Variants in CSMD1 observed in about 807,000 individuals in gnomAD.
CSMD1 encodes the protein CUB and Sushi multiple domains 1, also known as CUB and sushi domain-containing protein 1.
In CSMD1, 213 loss-of-function variants were observed where a neutral mutation model predicts 417.5. The ratio of observed to expected loss-of-function variants is 0.51; its 90% CI spans 0.46 to 0.57. The LOEUF (loss-of-function observed/expected upper bound fraction) is 0.57. CSMD1 is among the 20% of genes least tolerant of loss of function. The pLI, the probability that CSMD1 is intolerant of heterozygous loss-of-function variation, is 0.00. For synonymous variants in CSMD1, 2,862 were observed against 1,736.8 expected (o/e 1.65, Z -16.11); for missense variants, 6,923 against 4,529.7 (o/e 1.53, Z -15.17).
At chr8:4,132,037 G>A (rs1245169856) in intron 3 of CSMD1, among the ~76,000 whole-genome samples, 1 of 151,996 alleles carries the variant, frequency 6.6e-6, no homozygotes, top group Admixed American at 6.6e-5. Flanking sequence ...ATCCCTTCTT[G>A]ATGGCATAAC....
At chr8:3,227,853 T>C (rs1199917574) in intron 27 of CSMD1, among the ~76,000 whole-genome samples, 2 of 151,980 alleles carry the variant, frequency 1.3e-5, no homozygotes, top group African/African-American at 2.4e-5. Flanking sequence ...CTGCAACTTC[T>C]AGCTCCTGGG....
chr8:3,176,215 C>A (rs259854), intron 37 of CSMD1, among the ~76,000 whole-genome samples: 1 of 151,966 alleles, frequency 6.6e-6, no homozygotes, highest in Non-Finnish European at 1.5e-5. Context: ...AATCAAAATA[C>A]TTTCTATTGT....
chr8:4,871,132 C>T (rs750645405), intron 1 of CSMD1, among the ~76,000 whole-genome samples: 20 of 152,018 alleles, frequency 1.3e-4, no homozygotes, highest in Non-Finnish European at 2.5e-4. Flanking sequence ...TAGGTGCAGC[C>T]GTGATGAGAA....
intron 10 of CSMD1, among the ~76,000 whole-genome samples, chr8:3,518,980 A>C (rs1797393337): frequency 1.3e-5 from 2 of 152,306 alleles, no homozygotes; most frequent in Admixed American, 6.5e-5. Flanking sequence ...GCACTTTTAA[A>C]CTGAAATATA....
At chr8:3,836,641 C>T (rs760886436) in intron 5 of CSMD1, among the ~76,000 whole-genome samples, 1 of 152,068 alleles carries the variant, frequency 6.6e-6, no homozygotes, top group Non-Finnish European at 1.5e-5. Flanking sequence ...TCAAATTACA[C>T]ATTCACAACA....
At chr8:4,867,151 A>T (rs1802465452) in intron 1 of CSMD1, among the ~76,000 whole-genome samples, 2 of 152,046 alleles carry the variant, frequency 1.3e-5, no homozygotes, top group African/African-American at 4.8e-5. Context: ...TTATATTTAC[A>T]ATTTATTTAA....
intron 20 of CSMD1, among the ~76,000 whole-genome samples, chr8:3,361,206 C>T (rs1428394220): frequency 1.3e-5 from 2 of 152,092 alleles, no homozygotes; most frequent in Admixed American, 6.5e-5. Flanking sequence ...CTTTTTAGAA[C>T]ATATTAAAAT....
chr8:4,051,717 C>A (rs1798432620), intron 3 of CSMD1, among the ~76,000 whole-genome samples: 1 of 152,106 alleles, frequency 6.6e-6, no homozygotes, highest in African/African-American at 2.4e-5. Flanking sequence ...ACAGAGAAGG[C>A]AAGCAGGGAT....
At chr8:3,867,587 A>T (rs548616098) in intron 5 of CSMD1, among the ~76,000 whole-genome samples, 29 of 152,272 alleles carry the variant, frequency 1.9e-4, no homozygotes, top group African/African-American at 6.7e-4. Flanking sequence ...TGGATATCTG[A>T]AACCTAAACA....
At chr8:3,829,054 C>G (rs892263786) in intron 5 of CSMD1, among the ~76,000 whole-genome samples, 6 of 151,812 alleles carry the variant, frequency 4.0e-5, no homozygotes, top group Non-Finnish European at 8.8e-5. Flanking sequence ...CCGTAAGTTA[C>G]TGGGGTATAG....
At chr8:3,115,205 CCT>C (rs1491198056) in intron 42 of CSMD1, among the ~76,000 whole-genome samples, 9 of 104,686 alleles carry the variant, frequency 8.6e-5, no homozygotes, top group Non-Finnish European at 1.1e-4. Flanking sequence ...CCCCCCCCCC[CCT>C]TTTTTTTTTT....
chr8:4,451,373 G>A (rs1413352383), intron 2 of CSMD1, among the ~76,000 whole-genome samples: 1 of 152,140 alleles, frequency 6.6e-6, no homozygotes, highest in Non-Finnish European at 1.5e-5. Context: ...AATCACAAGT[G>A]TTTATGGAAG....
intron 23 of CSMD1, among the ~76,000 whole-genome samples, chr8:3,327,408 C>G (rs1390242343): frequency 6.6e-6 from 1 of 152,192 alleles, no homozygotes; most frequent in Non-Finnish European, 1.5e-5. Flanking sequence ...GCTGGGATTA[C>G]AGGCATGAGC....
intron 3 of CSMD1, among the ~76,000 whole-genome samples, chr8:4,339,348 C>A (rs760174458): frequency 6.6e-6 from 1 of 152,084 alleles, no homozygotes; most frequent in Non-Finnish European, 1.5e-5. Context: ...GCAGATTCAT[C>A]AGCTGGTCAA....
intron 3 of CSMD1, among the ~76,000 whole-genome samples, chr8:4,295,842 C>T (rs933765841): frequency 6.2e-5 from 9 of 145,894 alleles, no homozygotes; most frequent in African/African-American, 2.3e-4. Flanking sequence ...ATGCAAATTT[C>T]AGATTTCTTC....
At chr8:4,323,075 G>T (rs1021729547) in intron 3 of CSMD1, among the ~76,000 whole-genome samples, 1 of 148,280 alleles carries the variant, frequency 6.7e-6, no homozygotes, top group Admixed American at 6.6e-5. Context: ...AGAGAGTTAA[G>T]CAGCGAAGGA....
intron 3 of CSMD1, among the ~76,000 whole-genome samples, chr8:4,282,975 T>A (rs1240856997): frequency 1.3e-5 from 2 of 152,176 alleles, no homozygotes; most frequent in African/African-American, 2.4e-5. Flanking sequence ...ATATTCTTAC[T>A]ATTTCTACTG....
intron 12 of CSMD1, among the ~76,000 whole-genome samples, chr8:3,434,422 T>C (rs531396270): frequency 6.6e-6 from 1 of 152,248 alleles, no homozygotes; most frequent in Non-Finnish European, 1.5e-5. Flanking sequence ...GTTAATTCAA[T>C]ATTTGCTTAT....
intron 5 of CSMD1, among the ~76,000 whole-genome samples, chr8:3,850,554 G>C (rs1262468599): frequency 6.6e-6 from 1 of 152,114 alleles, no homozygotes; most frequent in Non-Finnish European, 1.5e-5. Context: ...AATTAGCCGG[G>C]CATGATGGCT....
Sources: gnomAD v4.1 joint callset for allele counts (sites outside exome capture counted in the v4.1 genomes callset) on GRCh38, gnomAD v4.1.1 for gene constraint, MANE v1.5 for transcripts, NCBI Gene and HGNC (gene_info 2026-07-23, HGNC 2026-07-21) for gene names.